MPP1: variants seen among roughly 807,000 people sequenced by gnomAD.
MPP1 encodes 55 kDa erythrocyte membrane protein.
A neutral mutation model predicts 38.2 loss-of-function variants in MPP1; 6 were observed. The ratio of observed to expected loss-of-function variants is 0.16; its 90% CI spans 0.09 to 0.31. MPP1 has a LOEUF of 0.31. MPP1 is among the 10% of genes least tolerant of loss of function. The pLI, the probability that MPP1 is intolerant of heterozygous loss-of-function variation, is 1.00. For synonymous variants in MPP1, 153 were observed against 146.3 expected, an observed-to-expected ratio of 1.05 and a Z score of -0.33; for missense variants, 293 against 368.9, an observed-to-expected ratio of 0.79 and a Z score of 1.69.
chrX:154,785,234 T>G (rs2148527080), intron 6 of MPP1, 77 bp from the exon 7 acceptor site: 1 of 603,722 alleles, frequency 1.7e-6, no homozygotes, highest in Non-Finnish European at 2.3e-6. Context: ...CAGTCTCTAA[T>G]GGCACCCCCT....
chrX:154,799,716 T>A, intron 1 of MPP1: 1 of 1,141,833 alleles, frequency 8.8e-7, no homozygotes, highest in Non-Finnish European at 1.2e-6. Context: ...CTGCTGGGAT[T>A]CAGGAGGAGC....
At chrX:154,791,411 CTTTGTTGT>C (rs1557267715) in intron 3 of MPP1, among the ~76,000 whole-genome samples, 18 of 112,370 alleles carry the variant, frequency 1.6e-4, no homozygotes, top group Non-Finnish European at 3.2e-4. Context: ...CTCCATGTTT[CTTTGTTGT>C]TTAGCTCAAA....
chrX:154,786,337 C>T lies in MPP1; in HGVS notation c.544G>A (p.Ala182Thr). The T allele has an allele frequency of 8.3e-7, 1 of 1,211,622 alleles. No homozygotes were observed. The highest frequency in any genetic ancestry group is 3.0e-5 in the East Asian group (1 of 33,814). Residue 182 changes from alanine (A) to threonine (T), a missense_variant, in exon 6 of 12, where the codon GCG becomes ACG. Transcript: ENST00000369534. ...TCCCCAGTAGCAAACTTCAGTCCCGCCTCCTTGCAAGGGATCAGATTGTCC... is the reference window on the plus strand; with the variant it reads ...TCCCCAGTAGCAAACTTCAGTCCCGTCTCCTTGCAAGGGATCAGATTGTCC... The part of the protein sequence containing the change: ...KKDNLIPCKE[A>T]GLKFATGDII...
intron 8 of MPP1, chrX:154,783,807 G>A (rs782611796): frequency 9.9e-5 from 43 of 434,069 alleles, no homozygotes; most frequent in Non-Finnish European, 1.5e-4. Flanking sequence ...AAAATAATTC[G>A]TTGCTAAATA....
chrX:154,782,015 G>A, intron 9 of MPP1: 1 of 345,391 alleles, frequency 2.9e-6, no homozygotes, highest in Non-Finnish European at 5.0e-6. Context: ...AATTTTTAAG[G>A]GGCAAAGCCT....
chrX:154,781,419 G>C, intron 10 of MPP1, 106 bp from the exon 11 acceptor site: 1 of 787,297 alleles, frequency 1.3e-6, no homozygotes. Flanking sequence ...CTAATAAGCA[G>C]CTTTGAGCTT....
At chrX:154,783,539 AG>A (rs782496399) in intron 8 of MPP1, 32 bp from the exon 9 acceptor site, 1 of 1,111,551 alleles carries the variant, frequency 9.0e-7, no homozygotes, top group South Asian at 1.9e-5. Context: ...TCTTTTGGAA[AG>A]GGGGGAGAGG....
At chrX:154,798,178 T>G (rs1557268290) in intron 1 of MPP1, among the ~76,000 whole-genome samples, 1 of 112,350 alleles carries the variant, frequency 8.9e-6, no homozygotes, top group Non-Finnish European at 1.9e-5. Flanking sequence ...CTGGTGGGAA[T>G]GTAAGTGATA....
Position 154,783,437 on chromosome X carries a change from G to A in MPP1, c.936C>T (p.Tyr312=), listed in dbSNP as rs913778468. ...LLSQNPEKFV[Y]PVPYTTRPPR... is the part of the protein sequence containing the mutation. ...CTAAGAGCTACTTACATGGGACAGGGTACACAAACTTCTCCGGATTCTGGC... is the reference window on the plus strand; with the variant it reads ...CTAAGAGCTACTTACATGGGACAGGATACACAAACTTCTCCGGATTCTGGC... The change falls in exon 9 of 12, where the codon TAC becomes TAT. Residue 312 remains tyrosine (Y), a synonymous_variant. Coordinates refer to ENST00000369534, the MANE Select transcript of MPP1 (RefSeq NM_002436.4). The A allele has an allele frequency of 1.2e-5, 14 of 1,207,506 alleles. No homozygotes were observed. The highest frequency in any genetic ancestry group is 1.5e-5 in the Non-Finnish European group (13 of 893,853).
chrX:154,801,053 TG>T (rs1280170362), intron 1 of MPP1, among the ~76,000 whole-genome samples: 1 of 112,444 alleles, frequency 8.9e-6, no homozygotes, highest in Non-Finnish European at 1.9e-5. Flanking sequence ...TATTTAGTCT[TG>T]CCTTTCTACA....
chrX:154,788,888 A>T, intron 5 of MPP1, among the ~76,000 whole-genome samples: 1 of 112,085 alleles, frequency 8.9e-6, no homozygotes. Context: ...AGCAATATAG[A>T]TGATTCCCAT....
At chrX:154,784,936 T>G in intron 7 of MPP1, 115 bp downstream of exon 7, 1 of 628,203 alleles carries the variant, frequency 1.6e-6, no homozygotes, top group Non-Finnish European at 2.6e-6. Context: ...ATGCTTTCTG[T>G]AGAATGCGCC....
At position 154,801,779 on chromosome X, in the gene MPP1, A is replaced by C. The variant is rs1399254658; in HGVS notation, c.102+3493T>G. 6.5e-3 allele frequency among the ~76,000 whole-genome samples: 573 copies of C among 87,729 alleles called. 11 individuals are homozygous for C. Among genetic ancestry groups the C allele is most frequent in the African/African-American group, 0.027 (544 of 20,387 alleles). 76.2% of individuals were successfully genotyped at this position (87,729 alleles called of 115,157 possible). A position where few individuals can be genotyped will look rare whatever the true frequency, so the allele number is the denominator to read the frequency against. ...GTCTCAAAAAAAAAAAAAAAAAAAA[A>C]AAAAAAACAAAAAACAGAAAAAAGT... On this transcript the variant is annotated intron_variant, in intron 1 of 11. Transcript: ENST00000369534.
At chrX:154,804,793 C>A (rs894929996) in intron 1 of MPP1, 18 of 341,319 alleles carry the variant, frequency 5.3e-5, no homozygotes, top group Non-Finnish European at 9.4e-5. Flanking sequence ...TATACACTGG[C>A]CACCCTCTTT....
intron 2 of MPP1, 67 bp from the exon 3 acceptor site, chrX:154,791,914 C>T: frequency 9.3e-7 from 1 of 1,076,742 alleles, no homozygotes; most frequent in Non-Finnish European, 1.3e-6. Context: ...TTAGAAAGAA[C>T]TTACGGTAAT....
chrX:154,784,452 G>A (rs917561466), intron 7 of MPP1, among the ~76,000 whole-genome samples: 1 of 110,501 alleles, frequency 9.0e-6, no homozygotes, highest in Non-Finnish European at 1.9e-5. Context: ...ATGCTATCTC[G>A]GTTCTGCCTG....
At chrX:154,781,542 C>T (rs1266375445) in intron 10 of MPP1, 58 bp downstream of exon 10, 1 of 1,141,562 alleles carries the variant, frequency 8.8e-7, no homozygotes, top group African/African-American at 1.8e-5. Context: ...GGAGCACTGT[C>T]TTCGCCATCC....
rs782477619 is a variant in MPP1, at chrX:154,779,252, G to C, written c.1326C>G (p.Thr442=). The change falls in exon 12 of 12, where the codon ACC becomes ACG. Residue 442 remains threonine (T), a synonymous_variant. Transcript: ENST00000369534. The part of the protein sequence containing the change: ...LSLVNNGVDE[T]LKKLQEAFDQ... ...CGAAGGCTTCTTGTAATTTCTTAAG[G>C]GTTTCATCAACACCATTATTGACCA... 4.1e-6 allele frequency: 5 copies of C among 1,211,516 alleles called. No homozygotes were observed. In the East Asian group the frequency reaches 8.9e-5, roughly 21 times the overall value.
At chrX:154,795,105 A>AAAACAAAC (rs782697998) in intron 1 of MPP1, among the ~76,000 whole-genome samples, 1 of 111,470 alleles carries the variant, frequency 9.0e-6, no homozygotes, top group East Asian at 2.8e-4. Context: ...CTGTCTCAGA[A>AAAACAAAC]AAACAAACAA....
Sources: allele counts gnomAD v4.1 joint callset (sites outside exome capture counted in the v4.1 genomes callset), GRCh38; gene constraint gnomAD v4.1.1; transcripts MANE v1.5; gene names NCBI Gene and HGNC (gene_info 2026-07-23, HGNC 2026-07-21).